PDC: variants seen among roughly 807,000 people sequenced by gnomAD.
PDC encodes the protein phosducin.
PDC carries 19 observed loss-of-function variants against 22.2 expected under a neutral mutation model. The observed-to-expected ratio is 0.86, with a 90% CI of 0.60 to 1.26. The LOEUF is 1.26. Among genes scored for constraint, PDC ranks in the 50% most tolerant of loss-of-function variants. PDC has a pLI of 0.00. For synonymous variants in PDC, 97 were observed against 96.2 expected (o/e 1.01, Z -0.05); for missense variants, 274 against 286.8 (o/e 0.96, Z 0.32).
chr1:186,450,814 CAT>C (rs1267529060), intron 1 of PDC, among the ~76,000 whole-genome samples: 1 of 152,194 alleles, frequency 6.6e-6, no homozygotes, highest in Non-Finnish European at 1.5e-5. Flanking sequence ...AATTATTATA[CAT>C]ACTAACATAT....
At position 186,443,855 on chromosome 1, in the gene PDC, A is replaced by G; in HGVS notation, c.*124T>C. 3 of 691,402 alleles carry G rather than the reference A, an allele frequency of 4.3e-6. No individual in the cohort carries two copies. The highest frequency in any genetic ancestry group is 7.6e-6 in the Non-Finnish European group (3 of 394,066). 42.8% of individuals were successfully genotyped at this position (691,402 alleles called of 1,614,324 possible). A position where few individuals can be genotyped will look rare whatever the true frequency, so the allele number is the denominator to read the frequency against. ...ATGCTAATAACTCGATTGTTGCATC[A>G]GTCATTTTTGTCAAGTTAGCATAGC... On this transcript the variant is annotated 3_prime_UTR_variant, in exon 4 of 4. Coordinates refer to ENST00000391997, the MANE Select transcript of PDC (RefSeq NM_002597.5).
At chr1:186,460,835 C>T (rs909174387) in intron 1 of PDC, among the ~76,000 whole-genome samples, 4 of 152,060 alleles carry the variant, frequency 2.6e-5, no homozygotes, top group African/African-American at 4.8e-5. Context: ...CTCAAAATTG[C>T]GTGTTTACTC....
chr1:186,456,767 A>C (rs1018213429), intron 1 of PDC, among the ~76,000 whole-genome samples: 1 of 152,238 alleles, frequency 6.6e-6, no homozygotes, highest in African/African-American at 2.4e-5. Flanking sequence ...TAATGACTGA[A>C]CATGATTAAA....
At chr1:186,448,923 A>G (rs76050837) in intron 2 of PDC, among the ~76,000 whole-genome samples, 1 of 152,264 alleles carries the variant, frequency 6.6e-6, no homozygotes, top group East Asian at 1.9e-4. Context: ...CAGACTCTGG[A>G]TGAAATGAAG....
At chr1:186,445,360 C>A (rs1194027001) in intron 3 of PDC, among the ~76,000 whole-genome samples, 3 of 152,084 alleles carry the variant, frequency 2.0e-5, no homozygotes, top group Non-Finnish European at 4.4e-5. Context: ...TTACAGATAA[C>A]CTCTGAGGTA....
intron 1 of PDC, among the ~76,000 whole-genome samples, chr1:186,454,724 TG>T (rs1283181763): frequency 1.1e-4 from 17 of 152,216 alleles, no homozygotes; most frequent in Admixed American, 1.1e-3. Flanking sequence ...ACCATTACAC[TG>T]TGAGCTTTGT....
chr1:186,447,086 G>A (rs182226331), intron 2 of PDC, among the ~76,000 whole-genome samples: 75 of 152,104 alleles, frequency 4.9e-4, no homozygotes, highest in South Asian at 2.3e-3. Context: ...AAATTATTAC[G>A]AGAACATCCC....
At chr1:186,448,752 A>G (rs1395405575) in intron 2 of PDC, 5 of 537,932 alleles carry the variant, frequency 9.3e-6, no homozygotes, top group African/African-American at 2.1e-5. Context: ...AATTCTTTCA[A>G]ACTTCTGGCT....
In PDC at chr1:186,459,959, T is replaced by A. The variant is rs186512549; in HGVS notation, c.-25+1100A>T. Among the ~76,000 whole-genome samples the A allele has an allele frequency of 4.4e-4, 67 of 151,116 alleles. No individual in the cohort carries two copies. The East Asian group carries it at 0.012, about 27-fold the overall frequency. ...CAATTGAAAGAAAATTTTCACTGAATTTAAGAAATATCAACAAACTCTGTG... is the reference window on the plus strand; with the variant it reads ...CAATTGAAAGAAAATTTTCACTGAAATTAAGAAATATCAACAAACTCTGTG... On this transcript the variant is annotated intron_variant, in intron 1 of 3. Transcript: ENST00000391997.
intron 3 of PDC, 115 bp downstream of exon 3, chr1:186,446,305 TGCCAGC>T: frequency 1.5e-6 from 1 of 645,164 alleles, no homozygotes; most frequent in Non-Finnish European, 2.4e-6. Context: ...CATTTTTTTT[TGCCAGC>T]GTAAGCAATA....
At chr1:186,444,658 C>T in intron 3 of PDC, 152 bp from the exon 4 acceptor site, 1 of 593,714 alleles carries the variant, frequency 1.7e-6, no homozygotes. Flanking sequence ...TCTCTTTCAC[C>T]TCATTGAAGC....
intron 1 of PDC, among the ~76,000 whole-genome samples, chr1:186,452,718 T>A (rs1662377759): frequency 6.6e-6 from 1 of 152,214 alleles, no homozygotes; most frequent in South Asian, 2.1e-4. Flanking sequence ...GGTTAAAAGA[T>A]TTCATGTCTA....
chr1:186,446,557 C>A lies in PDC; in HGVS notation c.82G>T (p.Asp28Tyr). The change falls in exon 3 of 4, where the codon GAT (aspartate) becomes TAT (tyrosine). Residue 28 changes from aspartate (D) to tyrosine (Y), a missense_variant. Asp to Tyr is a radical substitution (Grantham distance 160, BLOSUM62 -3). Coordinates refer to ENST00000391997, the MANE Select transcript of PDC (RefSeq NM_002597.5). ...THTGPKGVIN[D>Y]WRKFKLESQD... Reference sequence around the variant, plus strand: ...CTCTCTAATTTAAACTTTCTCCAATCATTTATTACTCCTTTGGGTCCTGGA... The same window carrying A: ...CTCTCTAATTTAAACTTTCTCCAATAATTTATTACTCCTTTGGGTCCTGGA... The A allele has an allele frequency of 6.3e-7, 1 of 1,580,432 alleles. No individual in the cohort carries two copies. The highest frequency in any genetic ancestry group is 1.3e-5 in the African/African-American group (1 of 74,400).
intron 1 of PDC, among the ~76,000 whole-genome samples, chr1:186,453,797 C>T (rs868819275): frequency 4.3e-4 from 66 of 152,084 alleles, no homozygotes; most frequent in African/African-American, 1.5e-3. Context: ...CCACACAAAA[C>T]TATTATCCTT....
At chr1:186,460,910 A>G (rs953253092) in intron 1 of PDC, 149 bp downstream of exon 1, 1 of 153,184 alleles carries the variant, frequency 6.5e-6, no homozygotes, top group Non-Finnish European at 1.5e-5. Context: ...CGCTGTATTT[A>G]ATTGTCTTTA....
intron 1 of PDC, among the ~76,000 whole-genome samples, chr1:186,455,987 A>AAAAAAG (rs1662457994): frequency 1.1e-5 from 1 of 91,616 alleles, no homozygotes; most frequent in Non-Finnish European, 2.0e-5. Context: ...AAAAAAAAAA[A>AAAAAAG]AAAAAAAATA....
rs1362781782 is a variant in PDC, at chr1:186,446,497, CCTT to C, written c.139_141del (p.Lys47del). ...GGAGAAGACATTTGCCTGAGAATCT[CCTT>C]CTTGCTAGGTGGAATTGAATCACTG... is the stretch of plus-strand genomic sequence containing the variant. On this transcript the variant is annotated inframe_deletion, in exon 3 of 4. Coordinates refer to ENST00000391997, the MANE Select transcript of PDC (RefSeq NM_002597.5). The C allele has an allele frequency of 6.2e-7, 1 of 1,606,176 alleles. No homozygotes were observed. The highest frequency in any genetic ancestry group is 8.5e-7 in the Non-Finnish European group (1 of 1,173,970).
chr1:186,451,531 T>G (rs2102133285), intron 1 of PDC: 1 of 152,250 alleles, frequency 6.6e-6, no homozygotes, highest in South Asian at 2.1e-4. Context: ...CTCAATCCAG[T>G]CTCTTTACTT....
At chr1:186,458,976 A>G (rs1262316628) in intron 1 of PDC, among the ~76,000 whole-genome samples, 1 of 152,192 alleles carries the variant, frequency 6.6e-6, no homozygotes, top group East Asian at 1.9e-4. Flanking sequence ...AGCCTGGGCA[A>G]CATGGCAAAA....
Sources: gnomAD v4.1 joint callset for allele counts (sites outside exome capture counted in the v4.1 genomes callset) on GRCh38, gnomAD v4.1.1 for gene constraint, MANE v1.5 for transcripts, NCBI Gene and HGNC (gene_info 2026-07-23, HGNC 2026-07-21) for gene names.